Variants in SPRR2G observed in about 807,000 individuals in gnomAD.
SPRR2G encodes the protein small proline rich protein 2G.
SPRR2G carries 1 observed loss-of-function variant against 0.7 expected under a neutral mutation model. The observed-to-expected ratio is 1.49, with a 90% confidence interval of 0.53 to 7.06. The LOEUF (loss-of-function observed/expected upper bound fraction) is 7.06. SPRR2G is among the 30% of genes most tolerant of loss of function. SPRR2G has a pLI of 0.14. For missense variants in SPRR2G, 96 were observed against 88.5 expected (o/e 1.09, Z -0.34); for synonymous variants, 38 against 33.9 (o/e 1.12, Z -0.42).
the SPRR2G span, among the ~76,000 whole-genome samples, chr1:153,175,874 C>T: frequency 1.1e-4 from 16 of 152,018 alleles, no homozygotes; most frequent in South Asian, 2.1e-4. Context: ...CACCTGAGGG[C>T]GGTGAAACTC....
chr1:153,169,652 C>T, the SPRR2G span, among the ~76,000 whole-genome samples: 5 of 149,936 alleles, frequency 3.3e-5, no homozygotes, highest in Non-Finnish European at 7.4e-5. Context: ...TCCACTTCAC[C>T]TTTTAATGTC....
At chr1:153,189,961 G>T in the SPRR2G span, 1 of 152,200 alleles carries the variant, frequency 6.6e-6, no homozygotes, top group Non-Finnish European at 1.5e-5. Context: ...GGGATGTCTT[G>T]TCACTGACAT....
chr1:153,155,531 CT>C (rs1398223374), upstream of SPRR2G, among the ~76,000 whole-genome samples: 2 of 152,150 alleles, frequency 1.3e-5, no homozygotes, highest in East Asian at 3.9e-4. Flanking sequence ...ATATAGCTGT[CT>C]TCCTCTATCT....
At chr1:153,166,080 A>C in the SPRR2G span, among the ~76,000 whole-genome samples, 110 of 152,242 alleles carry the variant, frequency 7.2e-4, 1 homozygote, top group East Asian at 0.02. Flanking sequence ...CTTTCCCATA[A>C]GCCATCCCTA....
the SPRR2G span, among the ~76,000 whole-genome samples, chr1:153,181,109 T>A: frequency 5.3e-5 from 8 of 152,286 alleles, no homozygotes; most frequent in African/African-American, 1.9e-4. Context: ...TTTTTGATAA[T>A]CAGAAATTTT....
At chr1:153,194,260 G>C in the SPRR2G span, among the ~76,000 whole-genome samples, 1 of 152,072 alleles carries the variant, frequency 6.6e-6, no homozygotes, top group Non-Finnish European at 1.5e-5. Flanking sequence ...TAGGAGAAAA[G>C]ACAAAATGTC....
chr1:153,184,127 T>C, the SPRR2G span, among the ~76,000 whole-genome samples: 1 of 152,222 alleles, frequency 6.6e-6, no homozygotes, highest in African/African-American at 2.4e-5. Context: ...TGTAGCCTTG[T>C]AGTATAGTTT....
the SPRR2G span, among the ~76,000 whole-genome samples, chr1:153,166,988 G>A: frequency 6.6e-6 from 1 of 152,156 alleles, no homozygotes; most frequent in East Asian, 1.9e-4. Context: ...AGTTGGAATG[G>A]AGAAGAGGGG....
chr1:153,194,584 C>T, the SPRR2G span, among the ~76,000 whole-genome samples: 2 of 152,340 alleles, frequency 1.3e-5, no homozygotes, highest in East Asian at 3.9e-4. Flanking sequence ...CAGGCTTGTG[C>T]TCCCTCCTCC....
At chr1:153,195,543 C>T in the SPRR2G span, among the ~76,000 whole-genome samples, 2 of 152,188 alleles carry the variant, frequency 1.3e-5, no homozygotes, top group African/African-American at 4.8e-5. Context: ...CCTTCCTTAG[C>T]TCTCTGTACC....
At chr1:153,200,054 T>C in the SPRR2G span, among the ~76,000 whole-genome samples, 2 of 152,124 alleles carry the variant, frequency 1.3e-5, no homozygotes, top group Admixed American at 6.5e-5. Flanking sequence ...GCTGATACAA[T>C]ATGCAGACAT....
At chr1:153,192,524 T>C in the SPRR2G span, among the ~76,000 whole-genome samples, 1,782 of 152,242 alleles carry the variant, frequency 0.012, 9 homozygotes, top group Non-Finnish European at 0.018. Flanking sequence ...TATAGTAGGA[T>C]TGGGAAGGTC....
the SPRR2G span, among the ~76,000 whole-genome samples, chr1:153,170,497 A>G: frequency 8.5e-5 from 13 of 152,162 alleles, no homozygotes; most frequent in Non-Finnish European, 7.3e-5. Flanking sequence ...ATGAACAGAA[A>G]ACAAAAGCTT....
chr1:153,162,159 C>T, the SPRR2G span, among the ~76,000 whole-genome samples: 4,905 of 152,224 alleles, frequency 0.032, 507 homozygotes, highest in East Asian at 0.35. Flanking sequence ...CTCTCCTCCC[C>T]ACCTCCTCCC....
At chr1:153,169,287 G>GA in the SPRR2G span, among the ~76,000 whole-genome samples, 770 of 152,180 alleles carry the variant, frequency 5.1e-3, 11 homozygotes, top group Middle Eastern at 0.02. Context: ...CTACCAGCCG[G>GA]GGTCGCGGTG....
chr1:153,179,533 C>T, the SPRR2G span, among the ~76,000 whole-genome samples: 2 of 151,996 alleles, frequency 1.3e-5, no homozygotes, highest in South Asian at 2.1e-4. Context: ...ACAATATCAT[C>T]GTGTGTGTGA....
chr1:153,153,043 C>T (rs892606441), upstream of SPRR2G, among the ~76,000 whole-genome samples: 1 of 152,180 alleles, frequency 6.6e-6, no homozygotes, highest in East Asian at 1.9e-4. Context: ...ACTTGAAGCA[C>T]TCTGTGCAAA....
chr1:153,151,837 C>G (rs1249831370), upstream of SPRR2G, among the ~76,000 whole-genome samples: 3 of 152,118 alleles, frequency 2.0e-5, no homozygotes, highest in African/African-American at 7.2e-5. Context: ...GATGTTTTTA[C>G]CTAAATAAGT....
At chr1:153,192,272 T>C in the SPRR2G span, among the ~76,000 whole-genome samples, 8 of 152,290 alleles carry the variant, frequency 5.3e-5, no homozygotes, top group African/African-American at 1.9e-4. Flanking sequence ...GGTTTCTTCC[T>C]TGGGTTCCTA....
Sources: gnomAD v4.1 joint callset for allele counts (sites outside exome capture counted in the v4.1 genomes callset) on GRCh38, gnomAD v4.1.1 for gene constraint, MANE v1.5 for transcripts, NCBI Gene and HGNC (gene_info 2026-07-23, HGNC 2026-07-21) for gene names.